The following RBFOX1 variants were observed in gnomAD, a reference collection of about 807,000 sequenced individuals.
The protein encoded by RBFOX1 is RNA binding protein fox-1 homolog 1.
A neutral mutation model predicts 57.7 loss-of-function variants in RBFOX1; 8 were observed. The observed-to-expected ratio is 0.14, with a 90% CI of 0.08 to 0.25. The LOEUF (loss-of-function observed/expected upper bound fraction) is 0.25, where lower values mean the gene tolerates loss of function less well. RBFOX1 is among the 10% of genes least tolerant of loss of function. The probability of loss-of-function intolerance (pLI) is 1.00; values close to 1 mark genes in which losing one functional copy is unlikely to be tolerated. For missense variants in RBFOX1, 611 were observed against 548.5 expected, an observed-to-expected ratio of 1.11 and a Z score of -1.14; for synonymous variants, 326 against 222.4, an observed-to-expected ratio of 1.47 and a Z score of -4.15.
chr16:5,535,290 C>G (rs757444742), intron 2 of RBFOX1, among the ~76,000 whole-genome samples: 1 of 152,212 alleles, frequency 6.6e-6, no homozygotes, highest in Non-Finnish European at 1.5e-5. Flanking sequence ...ATCAGCTCAT[C>G]TACAGTATCC....
At chr16:5,319,358 T>C (rs2064335687) in intron 1 of RBFOX1, among the ~76,000 whole-genome samples, 1 of 152,318 alleles carries the variant, frequency 6.6e-6, no homozygotes, top group Non-Finnish European at 1.5e-5. Flanking sequence ...GAGTTTGCTC[T>C]GAATTTGTCT....
intron 3 of RBFOX1, among the ~76,000 whole-genome samples, chr16:5,787,707 C>A (rs1182371062): frequency 6.6e-6 from 1 of 152,154 alleles, no homozygotes; most frequent in Non-Finnish European, 1.5e-5. Flanking sequence ...AAGGCGAGCC[C>A]AGGAGAGGGT....
At chr16:7,014,787 C>G (rs953966187) in intron 3 of RBFOX1, among the ~76,000 whole-genome samples, 10 of 152,084 alleles carry the variant, frequency 6.6e-5, no homozygotes, top group African/African-American at 2.2e-4. Context: ...TGCAGTGGCA[C>G]TGTCTCGGCT....
intron 2 of RBFOX1, among the ~76,000 whole-genome samples, chr16:5,509,943 C>A (rs922827922): frequency 2.0e-5 from 3 of 152,174 alleles, no homozygotes; most frequent in Non-Finnish European, 4.4e-5. Flanking sequence ...TTGGTTTTAG[C>A]AGGTGGTCAT....
intron 3 of RBFOX1, among the ~76,000 whole-genome samples, chr16:5,720,523 T>G (rs1408504724): frequency 1.3e-5 from 2 of 152,224 alleles, no homozygotes; most frequent in Non-Finnish European, 2.9e-5. Context: ...AAGCCAAGGT[T>G]GTAAAGCTGT....
At chr16:7,212,197 G>T (rs941572330) in intron 4 of RBFOX1, among the ~76,000 whole-genome samples, 1 of 152,182 alleles carries the variant, frequency 6.6e-6, no homozygotes, top group Non-Finnish European at 1.5e-5. Flanking sequence ...GAGTGACATA[G>T]GTCTTTTAGG....
At chr16:7,620,050 A>G (rs534107609) in intron 10 of RBFOX1, among the ~76,000 whole-genome samples, 2 of 152,298 alleles carry the variant, frequency 1.3e-5, no homozygotes, top group East Asian at 1.9e-4. Flanking sequence ...GCCATTAACT[A>G]TTATGTTTAG....
chr16:7,128,722 T>C (rs181032399), intron 4 of RBFOX1, among the ~76,000 whole-genome samples: 1 of 152,234 alleles, frequency 6.6e-6, no homozygotes, highest in East Asian at 1.9e-4. Context: ...GATGGGAGGA[T>C]GTTCATGGTC....
chr16:5,662,422 C>T (rs2151391368), intron 3 of RBFOX1, among the ~76,000 whole-genome samples: 1 of 152,272 alleles, frequency 6.6e-6, no homozygotes, highest in Non-Finnish European at 1.5e-5. Flanking sequence ...CCAATATCAT[C>T]ACTTTCAGAC....
rs543251779 is a variant in RBFOX1, at chr16:5,948,131, C to G, written c.351+80796C>G. ...GAAAGGAAGTGCAGTTGAAACAGGACAGGGGTGACTCTTTCCCTAATGCTA... is the reference window on the plus strand; with the variant it reads ...GAAAGGAAGTGCAGTTGAAACAGGAGAGGGGTGACTCTTTCCCTAATGCTA... On this transcript the variant is annotated intron_variant, in intron 4 of 19. Transcript: ENST00000641259. Among the ~76,000 whole-genome samples the G allele has an allele frequency of 5.3e-5, 8 of 152,022 alleles. No individual in the cohort carries two copies. The South Asian group carries it at 1.7e-3, about 32-fold the overall frequency.
chr16:7,390,718 T>G (rs1392041598), intron 4 of RBFOX1, among the ~76,000 whole-genome samples: 2 of 152,178 alleles, frequency 1.3e-5, no homozygotes, highest in African/African-American at 4.8e-5. Context: ...GAATTAGTGG[T>G]TATAAGAACT....
intron 3 of RBFOX1, among the ~76,000 whole-genome samples, chr16:5,804,711 G>A (rs954955002): frequency 6.6e-6 from 1 of 152,114 alleles, no homozygotes; most frequent in African/African-American, 2.4e-5. Context: ...CAGCAAGTTG[G>A]TCCTGGACAC....
chr16:6,691,390 C>G (rs978622001), intron 3 of RBFOX1, among the ~76,000 whole-genome samples: 1 of 152,164 alleles, frequency 6.6e-6, no homozygotes, highest in Admixed American at 6.6e-5. Context: ...TTTCCACCTT[C>G]CCAATCCAAA....
chr16:7,168,170 G>A (rs74009276), intron 4 of RBFOX1, among the ~76,000 whole-genome samples: 1 of 152,160 alleles, frequency 6.6e-6, no homozygotes, highest in South Asian at 2.1e-4. Flanking sequence ...TATCAATGAT[G>A]GCTTTTCTAT....
intron 4 of RBFOX1, among the ~76,000 whole-genome samples, chr16:7,358,658 G>A (rs868048779): frequency 5.9e-5 from 9 of 152,142 alleles, no homozygotes; most frequent in South Asian, 2.1e-4. Flanking sequence ...GGCCTCAGGT[G>A]ATCCACCCAC....
intron 4 of RBFOX1, among the ~76,000 whole-genome samples, chr16:7,314,447 G>C (rs914646968): frequency 1.3e-5 from 2 of 152,170 alleles, no homozygotes; most frequent in African/African-American, 4.8e-5. Context: ...CTCTGAGATG[G>C]TGTGCGCCTG....
intron 3 of RBFOX1, among the ~76,000 whole-genome samples, chr16:5,655,626 G>A (rs1017245151): frequency 7.2e-5 from 11 of 152,196 alleles, no homozygotes; most frequent in African/African-American, 2.7e-4. Context: ...ACAGCAGAGT[G>A]CCCTGTGTGT....
chr16:5,381,515 T>C (rs1251230769), intron 1 of RBFOX1, among the ~76,000 whole-genome samples: 1 of 152,134 alleles, frequency 6.6e-6, no homozygotes, highest in Admixed American at 6.5e-5. Context: ...AAGCTGAGGC[T>C]GCAGGCCCAT....
At chr16:6,015,200 C>CT (rs1445243511), upstream of RBFOX1, among the ~76,000 whole-genome samples, 2 of 152,058 alleles carry the variant, frequency 1.3e-5, no homozygotes, top group African/African-American at 4.8e-5. Flanking sequence ...TTTTAGCTTG[C>CT]TTTTTTCATC....
Sources: gnomAD v4.1 joint callset for allele counts (sites outside exome capture counted in the v4.1 genomes callset) on GRCh38, gnomAD v4.1.1 for gene constraint, MANE v1.5 for transcripts, NCBI Gene and HGNC (gene_info 2026-07-23, HGNC 2026-07-21) for gene names.